The following GSG1L variants were observed in gnomAD, a reference collection of about 807,000 sequenced individuals.
The protein encoded by GSG1L is germ cell-specific gene 1-like protein.
In GSG1L, 24 loss-of-function variants were observed where a neutral mutation model predicts 42.1. That is an observed-to-expected ratio of 0.57 (90% confidence interval 0.41 to 0.80). GSG1L has a LOEUF of 0.80. Ranked by LOEUF, GSG1L falls within the 30% of genes least tolerant of loss-of-function variation. The probability of loss-of-function intolerance (pLI) is 0.00; values close to 1 mark genes in which losing one functional copy is unlikely to be tolerated. For synonymous variants in GSG1L, 215 were observed against 203.5 expected, an observed-to-expected ratio of 1.06 and a Z score of -0.48; for missense variants, 445 against 472.2, an observed-to-expected ratio of 0.94 and a Z score of 0.53.
At chr16:27,970,186 A>T (rs1402997094) in intron 1 of GSG1L, among the ~76,000 whole-genome samples, 2 of 152,168 alleles carry the variant, frequency 1.3e-5, no homozygotes, top group Non-Finnish European at 2.9e-5. Flanking sequence ...ACATCCTTTG[A>T]AGCAGAAAAG....
chr16:27,961,293 G>A (rs1306036336), intron 2 of GSG1L, among the ~76,000 whole-genome samples: 1 of 152,208 alleles, frequency 6.6e-6, no homozygotes, highest in African/African-American at 2.4e-5. Context: ...ACATGCATGT[G>A]CACATACACA....
intron 6 of GSG1L, among the ~76,000 whole-genome samples, chr16:27,795,085 A>G (rs942617852): frequency 6.6e-6 from 1 of 152,102 alleles, no homozygotes; most frequent in Non-Finnish European, 1.5e-5. Flanking sequence ...TGGGGATGGG[A>G]GACAGCTTTA....
intron 1 of GSG1L, 136 bp downstream of exon 1, chr16:28,062,940 C>T (rs2086359704): frequency 9.4e-6 from 11 of 1,171,230 alleles, no homozygotes; most frequent in Admixed American, 9.2e-5. Flanking sequence ...CGGAACGTCG[C>T]CCCTAGCCAG....
chr16:27,838,376 C>T (rs1320443144), intron 4 of GSG1L, among the ~76,000 whole-genome samples: 1 of 152,202 alleles, frequency 6.6e-6, no homozygotes, highest in East Asian at 1.9e-4. Flanking sequence ...AACGCACCCA[C>T]AAAATACACA....
At chr16:27,804,182 C>G (rs62031094) in intron 6 of GSG1L, among the ~76,000 whole-genome samples, 1 of 151,824 alleles carries the variant, frequency 6.6e-6, no homozygotes, top group Admixed American at 6.6e-5. Flanking sequence ...ATCAACTTCC[C>G]CTCCACTGCA....
At chr16:27,982,833 G>A (rs1483198298) in intron 1 of GSG1L, among the ~76,000 whole-genome samples, 1 of 152,090 alleles carries the variant, frequency 6.6e-6, no homozygotes, top group Admixed American at 6.6e-5. Flanking sequence ...CATTGTCGTG[G>A]GCAGGGCACC....
At chr16:27,850,977 A>T (rs1039227153) in intron 3 of GSG1L, among the ~76,000 whole-genome samples, 1 of 151,924 alleles carries the variant, frequency 6.6e-6, no homozygotes, top group African/African-American at 2.4e-5. Flanking sequence ...TAACAATGGG[A>T]GATAGAGAAT....
chr16:27,840,617 C>G (rs534926940), intron 4 of GSG1L, among the ~76,000 whole-genome samples: 34 of 152,340 alleles, frequency 2.2e-4, no homozygotes, highest in Admixed American at 4.6e-4. Flanking sequence ...GTCTCCAAAG[C>G]TGGCCTCCAG....
chr16:27,919,763 G>A (rs1030563625), intron 2 of GSG1L, among the ~76,000 whole-genome samples: 30 of 152,106 alleles, frequency 2.0e-4, no homozygotes, highest in Non-Finnish European at 3.7e-4. Flanking sequence ...AGGGGGAGTC[G>A]GCTCAACATT....
At chr16:28,035,279 G>A (rs2086020119) in intron 1 of GSG1L, among the ~76,000 whole-genome samples, 1 of 152,100 alleles carries the variant, frequency 6.6e-6, no homozygotes, top group Admixed American at 6.6e-5. Context: ...CCAAAGTGCT[G>A]GGATTCCAGG....
At chr16:27,973,738 A>G (rs539229731) in intron 1 of GSG1L, among the ~76,000 whole-genome samples, 1 of 152,246 alleles carries the variant, frequency 6.6e-6, no homozygotes, top group South Asian at 2.1e-4. Context: ...TTCCCTACCT[A>G]TAAAAACATG....
At chr16:27,835,361 C>T (rs1282493398) in intron 4 of GSG1L, among the ~76,000 whole-genome samples, 2 of 152,086 alleles carry the variant, frequency 1.3e-5, no homozygotes, top group African/African-American at 4.8e-5. Context: ...TGATTTTCAT[C>T]CTTTTACTTC....
At chr16:27,947,384 A>AAAAC (rs1555509991) in intron 2 of GSG1L, among the ~76,000 whole-genome samples, 3 of 130,678 alleles carry the variant, frequency 2.3e-5, no homozygotes, top group Non-Finnish European at 4.7e-5. Context: ...GAAAGAAAGA[A>AAAAC]AAAGAAAGAA....
chr16:27,971,127 G>T (rs1037373704), intron 1 of GSG1L, among the ~76,000 whole-genome samples: 1 of 152,004 alleles, frequency 6.6e-6, no homozygotes, highest in Non-Finnish European at 1.5e-5. Context: ...TCTATTCTGG[G>T]TCTCTTGCAT....
At chr16:28,053,239 T>C (rs1001382568) in intron 1 of GSG1L, among the ~76,000 whole-genome samples, 3 of 152,252 alleles carry the variant, frequency 2.0e-5, no homozygotes, top group Non-Finnish European at 4.4e-5. Flanking sequence ...GAGAAGCTGC[T>C]TCCCACATGC....
At chr16:27,904,638 G>A (rs2084299234) in intron 2 of GSG1L, among the ~76,000 whole-genome samples, 2 of 151,984 alleles carry the variant, frequency 1.3e-5, no homozygotes, top group Admixed American at 6.6e-5. Flanking sequence ...CCTGGCCCCT[G>A]CCCACCTCTC....
chr16:28,004,139 C>A (rs901668828), intron 1 of GSG1L, among the ~76,000 whole-genome samples: 1 of 152,092 alleles, frequency 6.6e-6, no homozygotes, highest in African/African-American at 2.4e-5. Flanking sequence ...TGAGTGGGGG[C>A]TGAGTTTGGC....
At position 28,023,453 on chromosome 16, in the gene GSG1L, G is replaced by A. The variant is rs1567559401; in HGVS notation, c.349+39623C>T. Among the ~76,000 whole-genome samples, 3 of 152,254 alleles carry A rather than the reference G, an allele frequency of 2.0e-5. No homozygotes were observed. The South Asian group carries it at 6.2e-4, about 32-fold the overall frequency. The stretch of plus-strand genomic sequence containing the variant: ...ATTCTTGTGCACATGCGTTCATCTT[G>A]TGCACATACAAACCCAGTTGAAATT... On this transcript the variant is annotated intron_variant, in intron 1 of 6. Coordinates refer to ENST00000447459, the MANE Select transcript of GSG1L (RefSeq NM_001109763.2).
chr16:27,843,948 G>A (rs960833691), intron 4 of GSG1L, among the ~76,000 whole-genome samples: 1 of 152,170 alleles, frequency 6.6e-6, no homozygotes, highest in African/African-American at 2.4e-5. Context: ...GAATGCACCA[G>A]CCTTAGGAAG....
Sources: gnomAD v4.1 joint callset for allele counts (sites outside exome capture counted in the v4.1 genomes callset) on GRCh38, gnomAD v4.1.1 for gene constraint, MANE v1.5 for transcripts, NCBI Gene and HGNC (gene_info 2026-07-23, HGNC 2026-07-21) for gene names.